GSPT1: variants seen among roughly 807,000 people sequenced by gnomAD.
The protein encoded by GSPT1 is G1 to S phase transition 1, also known as eukaryotic peptide chain release factor GTP-binding subunit ERF3A.
Under a neutral mutation model 72.5 loss-of-function variants are expected in GSPT1, and 20 were observed. The observed-to-expected ratio is 0.28, with a 90% confidence interval of 0.19 to 0.40. The LOEUF (loss-of-function observed/expected upper bound fraction) is 0.40. Ranked by LOEUF, GSPT1 falls within the 10% of genes least tolerant of loss-of-function variation. GSPT1 has a pLI of 1.00. For missense variants in GSPT1, 580 were observed against 811.9 expected, an observed-to-expected ratio of 0.71 and a Z score of 3.47; for synonymous variants, 334 against 293.5, an observed-to-expected ratio of 1.14 and a Z score of -1.41.
Position 11,892,829 on chromosome 16 carries a change from CAAAAAAAAAA to C in GSPT1, c.699-1700_699-1691del, listed in dbSNP as rs57546698. On this transcript the variant is annotated intron_variant, in intron 5 of 14. Coordinates refer to ENST00000434724, the MANE Select transcript of GSPT1 (RefSeq NM_002094.4). ...AGCCTGGGCGATAGAGATTCTGTCTCAAAAAAAAAAAAAAAAAAAAAAAAAAGAAAAGAAA... is the reference window on the plus strand; with the variant it reads ...AGCCTGGGCGATAGAGATTCTGTCTCAAAAAAAAAAAAAAAAGAAAAGAAA... Among the ~76,000 whole-genome samples the C allele has an allele frequency of 4.6e-3, 143 of 31,228 alleles. 3 individuals are homozygous for C. In the South Asian group the frequency reaches 0.12, roughly 27 times the overall value. The allele number at this position is 31,228 out of a possible 152,430, so 20.5% of individuals were successfully genotyped here. A position where few individuals can be genotyped will look rare whatever the true frequency, so the allele number is the denominator to read the frequency against.
In GSPT1 at chr16:11,890,776, G is replaced by A. The variant is rs1015806042; in HGVS notation, c.776+286C>T. Reference sequence around the variant, plus strand: ...TCTATTCATGGTTACTATAAATTATGTAAATGTAAGTTTTCAGTGGTTGCA... The same window carrying A: ...TCTATTCATGGTTACTATAAATTATATAAATGTAAGTTTTCAGTGGTTGCA... On this transcript the variant is annotated intron_variant, in intron 6 of 14. Transcript: ENST00000434724. The A allele has an allele frequency of 1.4e-5, 3 of 218,492 alleles. 1 individual carries two copies. In the South Asian group the frequency reaches 2.7e-4, roughly 20 times the overall value. 13.5% of individuals were successfully genotyped at this position (218,492 alleles called of 1,614,324 possible). A position where few individuals can be genotyped will look rare whatever the true frequency, so the allele number is the denominator to read the frequency against.
At chr16:11,892,005 T>C (rs901957692) in intron 5 of GSPT1, among the ~76,000 whole-genome samples, 1 of 151,936 alleles carries the variant, frequency 6.6e-6, no homozygotes, top group South Asian at 2.1e-4. Flanking sequence ...GATGCTAAAA[T>C]TATGGAAAGT....
At chr16:11,894,863 A>G in intron 5 of GSPT1, 91 bp downstream of exon 5, 1 of 763,684 alleles carries the variant, frequency 1.3e-6, no homozygotes, top group Non-Finnish European at 2.2e-6. Context: ...GACCTGTTTT[A>G]TCTCCTTTGT....
rs180980630 is a variant in GSPT1, at chr16:11,877,081, G to C, written c.1602+326C>G. 1.3e-5 allele frequency among the ~76,000 whole-genome samples: 2 copies of C among 152,298 alleles called. No homozygotes were observed. The highest frequency in any genetic ancestry group is 3.9e-4 in the East Asian group (2 of 5,184). On this transcript the variant is annotated intron_variant, in intron 12 of 14. Transcript: ENST00000434724. This position sits in a 1 kb window ranked among gnomAD's most constrained non-coding sequence, Gnocchi z 4.0. ...CTGGAAAGCTATGTGCTGTCAATGA[G>C]CACATAAACCATGACTTCCACAGTA...
At chr16:11,883,149 G>A (rs73511655) in intron 10 of GSPT1, 54 bp from the exon 11 acceptor site, 3 of 1,068,294 alleles carry the variant, frequency 2.8e-6, no homozygotes, top group Admixed American at 3.6e-5. Context: ...CTGTATAACA[G>A]CTCAATAGCC....
intron 6 of GSPT1, among the ~76,000 whole-genome samples, chr16:11,889,995 C>T (rs1384900097): frequency 1.4e-5 from 2 of 145,880 alleles, no homozygotes; most frequent in African/African-American, 5.1e-5. Flanking sequence ...GTGTCTCACT[C>T]TGTTGCCCAG....
intron 10 of GSPT1, among the ~76,000 whole-genome samples, chr16:11,884,121 C>T (rs181916341): frequency 3.9e-5 from 6 of 152,080 alleles, no homozygotes; most frequent in Middle Eastern, 3.4e-3. Context: ...ATTGATACCG[C>T]AAAACTTAAA....
In GSPT1 at chr16:11,897,923, T is replaced by C. The variant is rs765948621; in HGVS notation, c.395-42A>G. The C allele has an allele frequency of 1.7e-5, 24 of 1,439,686 alleles. No homozygotes were observed. The African/African-American group carries it at 2.0e-4, about 12-fold the overall frequency. 89.2% of individuals were successfully genotyped at this position (1,439,686 alleles called of 1,614,324 possible). On this transcript the variant is annotated intron_variant, in intron 2 of 14. Transcript: ENST00000434724. Reference sequence around the variant, plus strand: ...AATATAATATATATTTACCAAACAGTATCTAGCTTTACACACCATATAGAC... The same window carrying C: ...AATATAATATATATTTACCAAACAGCATCTAGCTTTACACACCATATAGAC...
At chr16:11,894,622 G>C (rs1443758908) in intron 5 of GSPT1, among the ~76,000 whole-genome samples, 3 of 152,078 alleles carry the variant, frequency 2.0e-5, no homozygotes, top group Non-Finnish European at 4.4e-5. Flanking sequence ...TTTAACACTA[G>C]TAATAATCAC....
chr16:11,916,238 G>C (rs1353474069), upstream of GSPT1, among the ~76,000 whole-genome samples: 2 of 152,238 alleles, frequency 1.3e-5, no homozygotes, highest in Non-Finnish European at 2.9e-5. Context: ...AGGAGGCGGA[G>C]GTCTGGTGGC....
Position 11,882,798 on chromosome 16 carries a change from T to G in GSPT1, c.1428+217A>C, listed in dbSNP as rs1166954502. On this transcript the variant is annotated intron_variant, in intron 11 of 14. Coordinates refer to ENST00000434724, the MANE Select transcript of GSPT1 (RefSeq NM_002094.4). The stretch of plus-strand genomic sequence containing the variant: ...AGTGAGACCCCATCTCAATTTTTAT[T>G]TAAAAAAAAAAAAAATTAGCCAGGC... 4.6e-5 allele frequency among the ~76,000 whole-genome samples: 7 copies of G among 150,560 alleles called. 1 individual carries two copies. Among genetic ancestry groups the G allele is most frequent in the Admixed American group, 2.7e-4 (4 of 15,066 alleles).
In GSPT1 at chr16:11,891,044, CATAAA is replaced by C. The variant is rs781248390; in HGVS notation, c.776+13_776+17del. On this transcript the variant is annotated intron_variant, in intron 6 of 14. Coordinates refer to ENST00000434724, the MANE Select transcript of GSPT1 (RefSeq NM_002094.4). ...CTCCTTAAAAGTAATTTATAAGTGT[CATAAA>C]AGTTTACTATACCAAGTTTCTCTGT... is the stretch of plus-strand genomic sequence containing the variant. 2.0e-5 allele frequency: 23 copies of C among 1,133,698 alleles called. No homozygotes were observed. The highest frequency in any genetic ancestry group is 2.8e-5 in the Non-Finnish European group (22 of 777,378). 70.2% of individuals were successfully genotyped at this position (1,133,698 alleles called of 1,614,324 possible). A position where few individuals can be genotyped will look rare whatever the true frequency, so the allele number is the denominator to read the frequency against.
chr16:11,876,252 A>C, intron 12 of GSPT1, 77 bp from the exon 13 acceptor site: 1 of 887,614 alleles, frequency 1.1e-6, no homozygotes, highest in Non-Finnish European at 1.9e-6. Context: ...CGCCATATAA[A>C]TCCCAAGAAT....
At chr16:11,873,428 C>T (rs1247910216) in intron 14 of GSPT1, among the ~76,000 whole-genome samples, 1 of 152,182 alleles carries the variant, frequency 6.6e-6, no homozygotes, top group African/African-American at 2.4e-5. Context: ...TCTCCTGCCT[C>T]ATCCTCCCCA....
At chr16:11,897,711 C>T (rs766428264) in intron 3 of GSPT1, 129 bp downstream of exon 3, 1 of 638,542 alleles carries the variant, frequency 1.6e-6, no homozygotes, top group East Asian at 2.8e-5. Flanking sequence ...TTTCTAAATA[C>T]TAATAGCAAA....
Position 11,915,941 on chromosome 16 carries a change from C to T in GSPT1, c.-221G>A. On this transcript the variant is annotated 5_prime_UTR_variant, in exon 1 of 15. Transcript: ENST00000434724. ...GCGGCGGCGGCAGCTCAACCCTCCT[C>T]CTCGTGTGTGTGAGCGGATCTCCTC... is the stretch of plus-strand genomic sequence containing the variant. The T allele has an allele frequency of 2.7e-6, 2 of 748,622 alleles. No individual in the cohort carries two copies. Among genetic ancestry groups the T allele is most frequent in the Middle Eastern group, 4.7e-4 (2 of 4,294 alleles). The allele number at this position is 748,622 out of a possible 1,614,324, so 46.4% of individuals were successfully genotyped here. A position where few individuals can be genotyped will look rare whatever the true frequency, so the allele number is the denominator to read the frequency against.
chr16:11,878,015 A>C (rs779769127), intron 11 of GSPT1, among the ~76,000 whole-genome samples: 3 of 152,256 alleles, frequency 2.0e-5, no homozygotes, highest in Non-Finnish European at 4.4e-5. Context: ...AAATTATTGA[A>C]CTAAGCTTTA....
Position 11,915,159 on chromosome 16 carries a change from C to T in GSPT1, c.352+210G>A, listed in dbSNP as rs761426273. 1,636 of 1,031,272 alleles carry T rather than the reference C, an allele frequency of 1.6e-3. 3 individuals are homozygous for T. The highest frequency in any genetic ancestry group is 2.2e-3 in the Middle Eastern group (6 of 2,768). The allele number at this position is 1,031,272 out of a possible 1,614,324, so 63.9% of individuals were successfully genotyped here. On this transcript the variant is annotated intron_variant, in intron 1 of 14. Transcript: ENST00000434724. ...CGGGTCCGGGTCTTTGGGCGCGCTG[C>T]CCGCTGTCCGCTCCCCGCCCGGCCA...
intron 10 of GSPT1, among the ~76,000 whole-genome samples, chr16:11,883,619 C>CA (rs34315327): frequency 1.2e-3 from 163 of 138,032 alleles, no homozygotes; most frequent in Middle Eastern, 8.1e-3. Context: ...GACTCTGTCT[C>CA]AAAAAAAAAA....
Sources: gnomAD v4.1 joint callset for allele counts (sites outside exome capture counted in the v4.1 genomes callset) on GRCh38, gnomAD v4.1.1 for gene constraint, Gnocchi (gnomAD v3.1) non-coding constraint, MANE v1.5 for transcripts, NCBI Gene and HGNC (gene_info 2026-07-23, HGNC 2026-07-21) for gene names.